Variants in CTNNA2 observed in about 807,000 individuals in gnomAD.
CTNNA2 encodes catenin alpha 2, also known as catenin alpha-2.
Under a neutral mutation model 101.0 loss-of-function variants are expected in CTNNA2, and 42 were observed. That is an observed-to-expected ratio of 0.42 (90% CI 0.32 to 0.54). The LOEUF (loss-of-function observed/expected upper bound fraction) is 0.54, where lower values mean the gene tolerates loss of function less well. Among genes scored for constraint, CTNNA2 ranks in the 20% least tolerant of loss-of-function variants. The pLI, the probability that CTNNA2 is intolerant of heterozygous loss-of-function variation, is 0.14. For synonymous variants in CTNNA2, 450 were observed against 456.4 expected (o/e 0.99, Z 0.18); for missense variants, 871 against 1,223.1 (o/e 0.71, Z 4.29).
At chr2:80,516,000 TTCTC>T (rs1247816132) in intron 9 of CTNNA2, among the ~76,000 whole-genome samples, 1 of 152,190 alleles carries the variant, frequency 6.6e-6, no homozygotes, top group Non-Finnish European at 1.5e-5. Flanking sequence ...ATTCTGTCTC[TTCTC>T]TCTCTCTTTC....
intron 3 of CTNNA2, among the ~76,000 whole-genome samples, chr2:79,810,164 G>A (rs1177688412): frequency 2.0e-5 from 3 of 152,064 alleles, no homozygotes; most frequent in Admixed American, 2.0e-4. Context: ...TTTTCATGCT[G>A]CTGATAAAGA....
At chr2:79,412,659 G>A (rs1052638353) in intron 4 of CTNNA2, among the ~76,000 whole-genome samples, 7 of 151,986 alleles carry the variant, frequency 4.6e-5, no homozygotes, top group Non-Finnish European at 8.8e-5. Flanking sequence ...GGTACATAAC[G>A]AAATGAAGGC....
intron 4 of CTNNA2, among the ~76,000 whole-genome samples, chr2:79,391,704 T>C (rs1678174075): frequency 6.6e-6 from 1 of 152,166 alleles, no homozygotes. Flanking sequence ...TTGCCCAACA[T>C]TGTACAGTGA....
chr2:79,901,713 G>GT (rs1260750504), intron 6 of CTNNA2, among the ~76,000 whole-genome samples: 1 of 152,150 alleles, frequency 6.6e-6, no homozygotes, highest in Non-Finnish European at 1.5e-5. Flanking sequence ...TTAACAAGCT[G>GT]TTTCTTGGCT....
At chr2:79,837,646 A>C (rs1679486510) in intron 3 of CTNNA2, among the ~76,000 whole-genome samples, 1 of 151,896 alleles carries the variant, frequency 6.6e-6, no homozygotes, top group South Asian at 2.1e-4. Context: ...GTCAGCGAAA[A>C]CTTTTTTTTC....
chr2:80,022,589 C>A (rs953241260), intron 7 of CTNNA2, among the ~76,000 whole-genome samples: 1 of 151,828 alleles, frequency 6.6e-6, no homozygotes, highest in Non-Finnish European at 1.5e-5. Flanking sequence ...CATAGTGAGA[C>A]CTTATCTTTA....
rs1692971040 is a variant in CTNNA2 at position 80,555,690 on chromosome 2, T to C, written c.1541-3T>C. On this transcript the variant is annotated splice_polypyrimidine_tract_variant and splice_region_variant and intron_variant, in intron 11 of 18. Coordinates refer to ENST00000402739, the MANE Select transcript of CTNNA2 (RefSeq NM_001282597.3). ...TCTAAATGTGTATGTGTCCTCTCCA[T>C]AGAAAATCACATCTTGGAGGATGTG... 3.3e-6 allele frequency: 5 copies of C among 1,497,872 alleles called. No homozygotes were observed. Among genetic ancestry groups the C allele is most frequent in the Admixed American group, 2.3e-5 (1 of 43,772 alleles). 92.8% of individuals were successfully genotyped at this position (1,497,872 alleles called of 1,614,324 possible).
chr2:80,047,739 G>T (rs1696621915), intron 7 of CTNNA2, among the ~76,000 whole-genome samples: 1 of 152,200 alleles, frequency 6.6e-6, no homozygotes, highest in Non-Finnish European at 1.5e-5. Context: ...TCAGGGTAAG[G>T]AATCCTGGGT....
At chr2:79,927,967 C>G (rs1687138594) in intron 7 of CTNNA2, among the ~76,000 whole-genome samples, 1 of 151,862 alleles carries the variant, frequency 6.6e-6, no homozygotes, top group Non-Finnish European at 1.5e-5. Context: ...ATAATAACTT[C>G]CAGGTTGTTA....
intron 18 of CTNNA2, among the ~76,000 whole-genome samples, chr2:80,647,241 A>T (rs973392705): frequency 1.8e-4 from 27 of 152,084 alleles, no homozygotes; most frequent in African/African-American, 6.3e-4. Context: ...TGGGCCATAA[A>T]ATTGAGAGGT....
intron 3 of CTNNA2, among the ~76,000 whole-genome samples, chr2:79,760,471 T>C (rs115701801): frequency 0.015 from 2,355 of 152,282 alleles, 47 homozygotes; most frequent in African/African-American, 0.052. Flanking sequence ...GTAGGAGTTA[T>C]GCTGAAGTCT....
intron 6 of CTNNA2, among the ~76,000 whole-genome samples, chr2:79,874,943 G>A (rs1211046007): frequency 6.6e-6 from 1 of 152,190 alleles, no homozygotes; most frequent in African/African-American, 2.4e-5. Context: ...CATGTTATGG[G>A]CAGCCTAGAT....
intron 4 of CTNNA2, among the ~76,000 whole-genome samples, chr2:79,460,194 A>C (rs1463996479): frequency 6.6e-6 from 1 of 152,140 alleles, no homozygotes; most frequent in Non-Finnish European, 1.5e-5. Context: ...TTTACATTAA[A>C]ATATATTTGA....
intron 1 of CTNNA2, among the ~76,000 whole-genome samples, chr2:79,560,080 C>T (rs1001708213): frequency 5.5e-5 from 7 of 128,322 alleles, no homozygotes; most frequent in African/African-American, 1.9e-4. Context: ...AGGGAAGAAA[C>T]GTCAGCTACA....
intron 2 of CTNNA2, among the ~76,000 whole-genome samples, chr2:79,674,673 A>G (rs2104604217): frequency 6.6e-6 from 1 of 152,312 alleles, no homozygotes; most frequent in East Asian, 1.9e-4. Context: ...CGAACAGATG[A>G]AAGATATAAA....
At chr2:80,097,199 C>A (rs1573065358) in intron 7 of CTNNA2, among the ~76,000 whole-genome samples, 1 of 152,074 alleles carries the variant, frequency 6.6e-6, no homozygotes, top group East Asian at 1.9e-4. Context: ...TATGGCAGGC[C>A]TGGTGGTGAC....
intron 4 of CTNNA2, among the ~76,000 whole-genome samples, chr2:79,444,098 G>A (rs993607): frequency 0.3 from 45,291 of 151,824 alleles, 7,009 homozygotes; most frequent in South Asian, 0.44. Context: ...CTCTACAGTT[G>A]AGCCTTCAGA....
intron 7 of CTNNA2, chr2:80,298,748 T>A (rs749917673): frequency 7.2e-5 from 11 of 152,338 alleles, no homozygotes; most frequent in Admixed American, 2.6e-4. Flanking sequence ...TTTAAATGGT[T>A]GAGAAAACTA....
chr2:79,863,211 G>C (rs1437954873), intron 4 of CTNNA2, among the ~76,000 whole-genome samples: 1 of 145,286 alleles, frequency 6.9e-6, no homozygotes, highest in Non-Finnish European at 1.5e-5. Context: ...GCATATCTCT[G>C]AGTTAATTAT....
Sources: gnomAD v4.1 joint callset for allele counts (sites outside exome capture counted in the v4.1 genomes callset) on GRCh38, gnomAD v4.1.1 for gene constraint, MANE v1.5 for transcripts, NCBI Gene and HGNC (gene_info 2026-07-23, HGNC 2026-07-21) for gene names.